UBN2: variants seen among roughly 807,000 people sequenced by gnomAD.
UBN2 encodes the protein ubinuclein-2.
UBN2 carries 35 observed loss-of-function variants against 120.2 expected under a neutral mutation model. The ratio of observed to expected loss-of-function variants is 0.29; its 90% CI spans 0.22 to 0.39. UBN2 has a LOEUF of 0.39. Ranked by LOEUF, UBN2 falls within the 10% of genes least tolerant of loss-of-function variation. The probability of loss-of-function intolerance (pLI) is 1.00; values close to 1 mark genes in which losing one functional copy is unlikely to be tolerated. For missense variants in UBN2, 1,693 were observed against 1,663.2 expected (o/e 1.02, Z -0.31); for synonymous variants, 661 against 648.7 (o/e 1.02, Z -0.29).
the UBN2 span, among the ~76,000 whole-genome samples, chr7:139,321,884 C>T: frequency 6.6e-6 from 1 of 152,136 alleles, no homozygotes; most frequent in Non-Finnish European, 1.5e-5. Flanking sequence ...GACCGTGACC[C>T]CACGGACTCC....
At position 139,283,677 on chromosome 7, in the gene UBN2, A is replaced by C. The variant is rs772872373; in HGVS notation, c.2772A>C (p.Thr924=). The C allele has an allele frequency of 1.2e-6, 2 of 1,614,108 alleles. No homozygotes were observed. Among genetic ancestry groups the C allele is most frequent in the South Asian group, 2.2e-5 (2 of 91,084 alleles). Residue 924 remains threonine (T), a synonymous_variant, in exon 15 of 18, where the codon ACA becomes ACC. Transcript: ENST00000473989. ...TSEAQDASSL[T]QVTKVHQHSA... The stretch of plus-strand genomic sequence containing the variant: ...AGGCCCAAGATGCTTCTTCGTTAAC[A>C]CAAGTAACAAAGGTGCACCAGCATT...
At chr7:139,272,284 A>G (rs1325604916) in intron 8 of UBN2, 38 bp from the exon 9 acceptor site, 4 of 1,487,672 alleles carry the variant, frequency 2.7e-6, no homozygotes, top group Non-Finnish European at 3.7e-6. Flanking sequence ...TTTCGTAAAT[A>G]TGTCTGATAA....
At chr7:139,289,414 C>CTTTTT (rs1161484759) in intron 15 of UBN2, among the ~76,000 whole-genome samples, 4 of 125,798 alleles carry the variant, frequency 3.2e-5, no homozygotes, top group African/African-American at 9.3e-5. Context: ...TTACATTTTG[C>CTTTTT]TTTTTTTTTT....
At chr7:139,291,984 C>G (rs1005138545) in intron 15 of UBN2, among the ~76,000 whole-genome samples, 1 of 152,136 alleles carries the variant, frequency 6.6e-6, no homozygotes, top group Non-Finnish European at 1.5e-5. Context: ...CATTCTGGCT[C>G]ACACTATAAT....
intron 12 of UBN2, chr7:139,277,392 CAT>C (rs1335401454): frequency 1.3e-5 from 2 of 152,146 alleles, no homozygotes; most frequent in African/African-American, 4.8e-5. Flanking sequence ...TTACTGATAA[CAT>C]AAATAGTTCA....
rs964995449 is a variant in UBN2, at chr7:139,301,284, C to G, written c.*3448C>G. On this transcript the variant is annotated 3_prime_UTR_variant, in exon 18 of 18. Coordinates refer to ENST00000473989, the MANE Select transcript of UBN2 (RefSeq NM_173569.4). ...AGGATATTTTTTTCCCAAAGCAGAT[C>G]TAAATTGTTTACTACCCAGGGTTGG... The G allele has an allele frequency of 2.0e-5, 3 of 152,144 alleles. No homozygotes were observed. Among genetic ancestry groups the G allele is most frequent in the African/African-American group, 4.8e-5 (2 of 41,432 alleles). 9.4% of individuals were successfully genotyped at this position (152,144 alleles called of 1,614,324 possible).
chr7:139,234,335 A>C (rs1412314715), intron 1 of UBN2, among the ~76,000 whole-genome samples: 2 of 152,220 alleles, frequency 1.3e-5, no homozygotes, highest in East Asian at 3.8e-4. Flanking sequence ...TATGGATACC[A>C]TTCATGTGGG....
At chr7:139,264,932 G>A (rs962303173) in intron 6 of UBN2, among the ~76,000 whole-genome samples, 1 of 151,972 alleles carries the variant, frequency 6.6e-6, no homozygotes, top group Non-Finnish European at 1.5e-5. Context: ...TATTTTTGGG[G>A]TACATGTCAT....
Position 139,231,450 on chromosome 7 carries a change from G to T in UBN2, c.-35G>T, listed in dbSNP as rs1796004135. ...GCAGCGCGCCGTAGAAGCGAGCGCCGGCTCGAGCAAAAGCGGAGGGCCAGA... is the reference window on the plus strand; with the variant it reads ...GCAGCGCGCCGTAGAAGCGAGCGCCTGCTCGAGCAAAAGCGGAGGGCCAGA... On this transcript the variant is annotated 5_prime_UTR_variant, in exon 1 of 18. Coordinates refer to ENST00000473989, the MANE Select transcript of UBN2 (RefSeq NM_173569.4). The T allele has an allele frequency of 1.5e-6, 2 of 1,292,248 alleles. No individual in the cohort carries two copies. The highest frequency in any genetic ancestry group is 4.6e-5 in the South Asian group (2 of 43,510). 80.0% of individuals were successfully genotyped at this position (1,292,248 alleles called of 1,614,324 possible).
chr7:139,267,245 C>T (rs940612658), intron 7 of UBN2, among the ~76,000 whole-genome samples: 5 of 152,072 alleles, frequency 3.3e-5, no homozygotes, highest in South Asian at 2.1e-4. Context: ...TAGAAAGACA[C>T]GGGAAAGGTC....
rs1798320165 is a variant in UBN2, at chr7:139,304,320, G to C, written c.*6484G>C. ...CAGGATTCACTTTCTAACTGGGTCG[G>C]GGTGGGGAAGGTCAGGGTAGAAGGA... On this transcript the variant is annotated 3_prime_UTR_variant, in exon 18 of 18. Coordinates refer to ENST00000473989, the MANE Select transcript of UBN2 (RefSeq NM_173569.4). 6.6e-6 allele frequency: 1 copy of C among 152,082 alleles called. No homozygotes were observed. The highest frequency in any genetic ancestry group is 1.5e-5 in the Non-Finnish European group (1 of 68,050). The allele number at this position is 152,082 out of a possible 1,614,324, so 9.4% of individuals were successfully genotyped here. A position where few individuals can be genotyped will look rare whatever the true frequency, so the allele number is the denominator to read the frequency against.
In UBN2 at chr7:139,257,568, G is replaced by A. The variant is rs150214457; in HGVS notation, c.664-920G>A. Among the ~76,000 whole-genome samples the A allele has an allele frequency of 8.1e-3, 1,225 of 151,602 alleles. 13 individuals are homozygous for A. Among genetic ancestry groups the A allele is most frequent in the African/African-American group, 0.028 (1,171 of 41,322 alleles). On this transcript the variant is annotated intron_variant, in intron 3 of 17. Coordinates refer to ENST00000473989, the MANE Select transcript of UBN2 (RefSeq NM_173569.4). ...GGACTATAGGCACCCACCCCACCAC[G>A]CCCGGCTAATTTTTTGTGTGTGTAT...
Position 139,293,448 on chromosome 7 carries a change from C to G in UBN2, c.3886C>G (p.His1296Asp), listed in dbSNP as rs559826257. The G allele has an allele frequency of 6.2e-7, 1 of 1,614,156 alleles. No individual in the cohort carries two copies. The highest frequency in any genetic ancestry group is 1.1e-5 in the South Asian group (1 of 91,076). ...TSGSTSAAFH[H>D]SLTQNLLKGL... is the part of the protein sequence containing the mutation. ...GGGATCTACCTCAGCCGCTTTCCAC[C>G]ATAGCCTAACTCAGAGTAAGTGGGG... Residue 1296 changes from histidine (H) to aspartate (D), a missense_variant, in exon 16 of 18, where the codon CAT becomes GAT. By Grantham distance (81) the His-to-Asp change is moderately conservative. This residue lies in a region of UBN2 where 837 missense variants were observed against 817.6 expected (regional missense o/e 1.02). Coordinates refer to ENST00000473989, the MANE Select transcript of UBN2 (RefSeq NM_173569.4).
intron 2 of UBN2, among the ~76,000 whole-genome samples, chr7:139,245,858 G>C (rs1796455500): frequency 6.6e-6 from 1 of 152,126 alleles, no homozygotes; most frequent in Admixed American, 6.5e-5. Context: ...GGGGAGAGTT[G>C]GTAGACAGTT....
At chr7:139,271,869 G>A (rs1797286134) in intron 8 of UBN2, among the ~76,000 whole-genome samples, 3 of 152,178 alleles carry the variant, frequency 2.0e-5, no homozygotes, top group Admixed American at 2.0e-4. Flanking sequence ...TGAGAGAACA[G>A]GATACCAACG....
intron 2 of UBN2, among the ~76,000 whole-genome samples, chr7:139,247,549 G>A (rs1796503567): frequency 6.6e-6 from 1 of 152,220 alleles, no homozygotes; most frequent in Non-Finnish European, 1.5e-5. Flanking sequence ...TGTGACCTTA[G>A]ATAAGTTACT....
chr7:139,238,927 GATGTATAAATCCTAAAATCCTAGC>G (rs1247036627), intron 2 of UBN2, among the ~76,000 whole-genome samples: 1 of 152,108 alleles, frequency 6.6e-6, no homozygotes, highest in African/African-American at 2.4e-5. Flanking sequence ...AATCCTATAG[GATGTATAAATCCTAAAATCCTAGC>G]ATGTATAAAT....
the UBN2 span, among the ~76,000 whole-genome samples, chr7:139,320,333 G>A: frequency 6.6e-6 from 1 of 151,686 alleles, no homozygotes; most frequent in South Asian, 2.1e-4. Context: ...GTGGTGGCAG[G>A]CACCTGTAAT....
chr7:139,260,097 T>G (rs569833839), intron 5 of UBN2, among the ~76,000 whole-genome samples: 1 of 150,792 alleles, frequency 6.6e-6, no homozygotes. Context: ...ACATAGCTAT[T>G]CTTTTTTTTT....
Sources: allele counts gnomAD v4.1 joint callset (sites outside exome capture counted in the v4.1 genomes callset), GRCh38; gene constraint gnomAD v4.1.1; regional missense constraint gnomAD v4.1.1; transcripts MANE v1.5; gene names NCBI Gene and HGNC (gene_info 2026-07-23, HGNC 2026-07-21).